ATP8B4: variants seen among roughly 807,000 people sequenced by gnomAD.
The protein encoded by ATP8B4 is probable phospholipid-transporting ATPase IM.
ATP8B4 carries 133 observed loss-of-function variants against 145.6 expected under a neutral mutation model. That is an observed-to-expected ratio of 0.91 (90% CI 0.79 to 1.05). The LOEUF (loss-of-function observed/expected upper bound fraction) is 1.05, where lower values mean the gene tolerates loss of function less well. Ranked by LOEUF, ATP8B4 falls within the 50% of genes least tolerant of loss-of-function variation. The pLI is 0.00. For synonymous variants in ATP8B4, 507 were observed against 492.9 expected, an observed-to-expected ratio of 1.03 and a Z score of -0.38; for missense variants, 1,458 against 1,425.2, an observed-to-expected ratio of 1.02 and a Z score of -0.37.
intron 2 of ATP8B4, among the ~76,000 whole-genome samples, chr15:50,082,374 G>T (rs1455987985): frequency 6.6e-6 from 1 of 151,422 alleles, no homozygotes; most frequent in African/African-American, 2.4e-5. Flanking sequence ...GAGAATAGAA[G>T]GAAAAAAAAA....
chr15:50,003,931 C>T (rs888565041), intron 7 of ATP8B4, among the ~76,000 whole-genome samples: 5 of 152,152 alleles, frequency 3.3e-5, no homozygotes, highest in African/African-American at 1.2e-4. Context: ...GTCAGATTCT[C>T]TCCTGAGCAG....
intron 25 of ATP8B4, among the ~76,000 whole-genome samples, chr15:49,874,660 T>C (rs1044508619): frequency 6.6e-5 from 10 of 152,214 alleles, no homozygotes; most frequent in Non-Finnish European, 1.3e-4. Flanking sequence ...TTCTATATCA[T>C]TCTTATAAAA....
intron 2 of ATP8B4, among the ~76,000 whole-genome samples, chr15:50,091,626 T>C (rs1387842860): frequency 6.6e-6 from 1 of 152,168 alleles, no homozygotes; most frequent in Non-Finnish European, 1.5e-5. Context: ...TTTGTTTATG[T>C]GTCCTGACTA....
intron 23 of ATP8B4, among the ~76,000 whole-genome samples, chr15:49,886,240 T>C (rs1284372852): frequency 6.6e-6 from 1 of 151,968 alleles, no homozygotes; most frequent in African/African-American, 2.4e-5. Flanking sequence ...GACAGAACTG[T>C]GTGAATTTGA....
intron 21 of ATP8B4, among the ~76,000 whole-genome samples, chr15:49,898,491 A>C (rs1171320216): frequency 1.3e-5 from 2 of 152,146 alleles, no homozygotes; most frequent in African/African-American, 4.8e-5. Context: ...AATAAACAAA[A>C]CTGCCATTTA....
At chr15:49,875,259 T>C (rs961168857) in intron 25 of ATP8B4, among the ~76,000 whole-genome samples, 3 of 152,190 alleles carry the variant, frequency 2.0e-5, no homozygotes, top group Non-Finnish European at 4.4e-5. Flanking sequence ...CTTCAGATAG[T>C]GGCCTTTTAT....
intron 5 of ATP8B4, among the ~76,000 whole-genome samples, chr15:50,042,917 G>A (rs2051414830): frequency 6.6e-6 from 1 of 152,124 alleles, no homozygotes; most frequent in South Asian, 2.1e-4. Context: ...CATATAGAAA[G>A]CAACAGCTAG....
chr15:49,919,022 TCA>T (rs1198223388), intron 18 of ATP8B4, 72 bp from the exon 19 acceptor site: 36 of 1,112,636 alleles, frequency 3.2e-5, no homozygotes, highest in Admixed American at 1.7e-4. Flanking sequence ...TGGATTTCAC[TCA>T]CAGATTCTGG....
rs1312444636 is a variant in ATP8B4, at chr15:49,858,789, G to A, written c.*1405C>T. On this transcript the variant is annotated 3_prime_UTR_variant, in exon 28 of 28. Transcript: ENST00000284509. ...TCATTTTATCAAAGCCTTCCTCACT[G>A]ACTATTTAGATTCCAGTTTTTTCAT... The A allele has an allele frequency of 6.6e-6, 1 of 152,104 alleles. No individual in the cohort carries two copies. The highest frequency in any genetic ancestry group is 1.5e-5 in the Non-Finnish European group (1 of 68,008). The allele number at this position is 152,104 out of a possible 1,614,324, so 9.4% of individuals were successfully genotyped here. A position where few individuals can be genotyped will look rare whatever the true frequency, so the allele number is the denominator to read the frequency against.
chr15:50,088,344 T>TAA (rs902229215), intron 2 of ATP8B4, among the ~76,000 whole-genome samples: 5 of 143,162 alleles, frequency 3.5e-5, no homozygotes, highest in Admixed American at 1.4e-4. Flanking sequence ...AGACTCCCTC[T>TAA]AAAAAAAAAA....
chr15:49,964,864 G>A (rs2044383212), intron 13 of ATP8B4, among the ~76,000 whole-genome samples: 1 of 152,132 alleles, frequency 6.6e-6, no homozygotes. Context: ...CTTCCTAGAA[G>A]TGATTGTATT....
rs1051207926 is a variant in ATP8B4 at position 50,112,085 on chromosome 15, G to A, written c.-42-5077C>T. On this transcript the variant is annotated intron_variant, in intron 1 of 27. Transcript: ENST00000284509. The stretch of plus-strand genomic sequence containing the variant: ...GCTCTGTTTGCAGTGAGGAGCTAGA[G>A]GGCATGTGGTAAACTGAGGGGTTGG... 2.0e-5 allele frequency among the ~76,000 whole-genome samples: 3 copies of A among 152,186 alleles called. 1 individual carries two copies. Among genetic ancestry groups the A allele is most frequent in the Admixed American group, 6.5e-5 (1 of 15,284 alleles).
At chr15:49,994,443 A>G (rs372334699) in intron 9 of ATP8B4, among the ~76,000 whole-genome samples, 3 of 152,130 alleles carry the variant, frequency 2.0e-5, no homozygotes, top group Non-Finnish European at 4.4e-5. Context: ...TTATTCATCC[A>G]GCAGGGATTT....
rs116027298 is a variant in ATP8B4, at chr15:50,019,005, G to A, written c.363-8088C>T. ...CATTATGAGGAGAAACAAAGTTCGA[G>A]TCAATGTAAATCCATGAATGACAAA... On this transcript the variant is annotated intron_variant, in intron 6 of 27. Coordinates refer to ENST00000284509, the MANE Select transcript of ATP8B4 (RefSeq NM_024837.4). 3.0e-4 allele frequency: 321 copies of A among 1,080,114 alleles called. 3 individuals carry two copies. The African/African-American group carries it at 4.8e-3, about 16-fold the overall frequency. The allele number at this position is 1,080,114 out of a possible 1,614,324, so 66.9% of individuals were successfully genotyped here.
chr15:50,044,568 A>T lies in ATP8B4; in HGVS notation c.300+26T>A, dbSNP rs189331588. The T allele has an allele frequency of 4.6e-6, 7 of 1,509,756 alleles. No individual in the cohort carries two copies. In the African/African-American group the frequency reaches 8.3e-5, roughly 18 times the overall value. The allele number at this position is 1,509,756 out of a possible 1,614,324, so 93.5% of individuals were successfully genotyped here. ...AAGCCACAACTGAAATTGAGACCTC[A>T]AGAATGCTCAAGAGCAAATACTCAC... On this transcript the variant is annotated intron_variant, in intron 5 of 27. Transcript: ENST00000284509.
chr15:49,950,616 A>AC (rs1555427901), intron 14 of ATP8B4, among the ~76,000 whole-genome samples: 2 of 100,260 alleles, frequency 2.0e-5, no homozygotes, highest in African/African-American at 5.8e-5. Flanking sequence ...ACAAACAAAC[A>AC]AACAAAAAAA....
chr15:50,162,914 T>C (rs1455403692), intron 1 of ATP8B4, among the ~76,000 whole-genome samples: 1 of 152,218 alleles, frequency 6.6e-6, no homozygotes, highest in African/African-American at 2.4e-5. Flanking sequence ...GAGACTCTGA[T>C]GTATTCTTCA....
At chr15:50,012,610 C>T (rs914475232) in intron 6 of ATP8B4, among the ~76,000 whole-genome samples, 13 of 152,062 alleles carry the variant, frequency 8.5e-5, no homozygotes, top group Admixed American at 7.9e-4. Context: ...ACAGCCCTCA[C>T]AAAGTAAGAC....
intron 13 of ATP8B4, among the ~76,000 whole-genome samples, chr15:49,971,794 T>C (rs2045159789): frequency 6.6e-6 from 1 of 152,160 alleles, no homozygotes. Flanking sequence ...GGATTACAAA[T>C]CATTCTACTG....
Sources: gnomAD v4.1 joint callset for allele counts (sites outside exome capture counted in the v4.1 genomes callset) on GRCh38, gnomAD v4.1.1 for gene constraint, MANE v1.5 for transcripts, NCBI Gene and HGNC (gene_info 2026-07-23, HGNC 2026-07-21) for gene names.